The following BMP6 variants were observed in gnomAD, a reference collection of about 807,000 sequenced individuals.
The protein encoded by BMP6 is VG-1-R.
Under a neutral mutation model 54.1 loss-of-function variants are expected in BMP6, and 17 were observed. The observed-to-expected ratio is 0.31, with a 90% CI of 0.22 to 0.47. BMP6 has a LOEUF of 0.47. Ranked by LOEUF, BMP6 falls within the 20% of genes least tolerant of loss-of-function variation. The pLI is 1.00. For missense variants in BMP6, 720 were observed against 690.4 expected, an observed-to-expected ratio of 1.04 and a Z score of -0.48; for synonymous variants, 328 against 291.2, an observed-to-expected ratio of 1.13 and a Z score of -1.28.
At chr6:7,820,089 T>A (rs1158334606) in intron 1 of BMP6, among the ~76,000 whole-genome samples, 1 of 152,212 alleles carries the variant, frequency 6.6e-6, no homozygotes, top group East Asian at 1.9e-4. Flanking sequence ...AAAATAGAGA[T>A]AACCAAAAAT....
chr6:7,880,261 C>T lies in BMP6; in HGVS notation c.1460C>T (p.Ser487Leu), dbSNP rs139361183. The T allele has an allele frequency of 2.7e-5, 44 of 1,614,004 alleles. No homozygotes were observed. Among genetic ancestry groups the T allele is most frequent in the Non-Finnish European group, 3.6e-5 (42 of 1,180,026 alleles). The change falls in exon 7 of 7, where the codon TCG (serine) becomes TTG (leucine). Residue 487 changes from serine (S) to leucine (L), a missense_variant. Physicochemically the swap from Ser to Leu is moderately radical, Grantham distance 145 (BLOSUM62 -2). Coordinates refer to ENST00000283147, the MANE Select transcript of BMP6 (RefSeq NM_001718.6). ...GCGCCAACTAAGCTAAATGCCATCT[C>T]GGTTCTTTACTTTGATGACAACTCC... ...CCAPTKLNAISVLYFDDNSNV... is the reference protein window; with the variant it reads ...CCAPTKLNAILVLYFDDNSNV...
intron 1 of BMP6, among the ~76,000 whole-genome samples, chr6:7,796,118 A>G (rs1561774631): frequency 6.6e-6 from 1 of 152,162 alleles, no homozygotes; most frequent in Non-Finnish European, 1.5e-5. Flanking sequence ...TGAAAATGAA[A>G]TAGTTCTTGA....
At chr6:7,817,798 A>C (rs772572254) in intron 1 of BMP6, among the ~76,000 whole-genome samples, 3 of 152,206 alleles carry the variant, frequency 2.0e-5, no homozygotes, top group Non-Finnish European at 2.9e-5. Context: ...GCCTTTTGCT[A>C]ACCAAGATAT....
chr6:7,847,106 G>C (rs559529765), intron 2 of BMP6, among the ~76,000 whole-genome samples: 59 of 152,316 alleles, frequency 3.9e-4, no homozygotes, highest in African/African-American at 1.4e-3. Flanking sequence ...CAGCTGCCCT[G>C]TGCTTAGGAT....
At chr6:7,811,097 C>G (rs935466165) in intron 1 of BMP6, among the ~76,000 whole-genome samples, 1 of 152,230 alleles carries the variant, frequency 6.6e-6, no homozygotes, top group African/African-American at 2.4e-5. Context: ...TGGGACGAAT[C>G]AGTCCCACTT....
intron 1 of BMP6, among the ~76,000 whole-genome samples, chr6:7,790,289 C>T (rs1343598926): frequency 2.0e-5 from 3 of 151,922 alleles, no homozygotes; most frequent in Admixed American, 1.3e-4. Context: ...CGGAAGCAGG[C>T]GGATCTCTTT....
At chr6:7,738,711 A>G (rs1561755383) in intron 1 of BMP6, among the ~76,000 whole-genome samples, 1 of 152,216 alleles carries the variant, frequency 6.6e-6, no homozygotes. Context: ...ATGCAGCTTA[A>G]TTTGACACAT....
intron 4 of BMP6, 106 bp downstream of exon 4, chr6:7,862,604 C>T (rs1759353240): frequency 2.8e-6 from 4 of 1,423,682 alleles, no homozygotes; most frequent in Non-Finnish European, 2.9e-6. Flanking sequence ...CACAGCAAAT[C>T]CAAAGGCAAA....
chr6:7,867,429 AT>A (rs2113283696), intron 4 of BMP6, among the ~76,000 whole-genome samples: 1 of 152,300 alleles, frequency 6.6e-6, no homozygotes, highest in East Asian at 1.9e-4. Flanking sequence ...TGTGCTATAC[AT>A]TTCAAGGAAA....
intron 1 of BMP6, among the ~76,000 whole-genome samples, chr6:7,767,680 T>C (rs762288194): frequency 1.4e-4 from 22 of 152,386 alleles, no homozygotes; most frequent in Non-Finnish European, 1.0e-4. Flanking sequence ...GCAAATCTTT[T>C]GTACCTGCAG....
chr6:7,770,631 T>C (rs1351720721), intron 1 of BMP6, among the ~76,000 whole-genome samples: 1 of 152,210 alleles, frequency 6.6e-6, no homozygotes, highest in Non-Finnish European at 1.5e-5. Context: ...CACCCGGCCC[T>C]AAAAGCGCTC....
chr6:7,764,319 A>G (rs573557763), intron 1 of BMP6, among the ~76,000 whole-genome samples: 2 of 152,330 alleles, frequency 1.3e-5, no homozygotes, highest in Non-Finnish European at 2.9e-5. Flanking sequence ...GGGAACTTGT[A>G]TCTTTTTCTC....
intron 1 of BMP6, among the ~76,000 whole-genome samples, chr6:7,789,424 C>T (rs1428963114): frequency 6.6e-6 from 1 of 152,168 alleles, no homozygotes; most frequent in East Asian, 1.9e-4. Flanking sequence ...AAAAACATTT[C>T]CAAAGATACT....
chr6:7,757,809 A>T (rs1174101408), intron 1 of BMP6, among the ~76,000 whole-genome samples: 2 of 152,222 alleles, frequency 1.3e-5, no homozygotes, highest in East Asian at 3.8e-4. Context: ...TCATCTTCAT[A>T]GATCAGGAAT....
At chr6:7,743,058 A>T (rs772339630) in intron 1 of BMP6, among the ~76,000 whole-genome samples, 3 of 152,216 alleles carry the variant, frequency 2.0e-5, no homozygotes, top group Admixed American at 6.5e-5. Context: ...AGTAGCAAAT[A>T]TCTTTCACAT....
At chr6:7,858,468 G>A (rs984863838) in intron 2 of BMP6, among the ~76,000 whole-genome samples, 6 of 152,034 alleles carry the variant, frequency 3.9e-5, no homozygotes, top group African/African-American at 9.7e-5. Context: ...GCATTTGTAT[G>A]TGGTAGACTT....
chr6:7,793,069 C>T lies in BMP6; in HGVS notation c.665-52071C>T, dbSNP rs188774164. On this transcript the variant is annotated intron_variant, in intron 1 of 6. Coordinates refer to ENST00000283147, the MANE Select transcript of BMP6 (RefSeq NM_001718.6). ...TCCCACTTCTGCCTGATGGGAGAAACTTGATATACAGTTAATGCCAGGAAA... is the reference window on the plus strand; with the variant it reads ...TCCCACTTCTGCCTGATGGGAGAAATTTGATATACAGTTAATGCCAGGAAA... 4.9e-3 allele frequency among the ~76,000 whole-genome samples: 733 copies of T among 150,920 alleles called. 6 individuals carry two copies. Among genetic ancestry groups the T allele is most frequent in the Admixed American group, 8.3e-3 (125 of 14,982 alleles).
chr6:7,787,171 C>G (rs1454094806), intron 1 of BMP6, among the ~76,000 whole-genome samples: 1 of 152,156 alleles, frequency 6.6e-6, no homozygotes, highest in Non-Finnish European at 1.5e-5. Flanking sequence ...GGAGATCATT[C>G]CTTGAATAAC....
chr6:7,807,157 G>A (rs1197130208), intron 1 of BMP6, among the ~76,000 whole-genome samples: 1 of 152,170 alleles, frequency 6.6e-6, no homozygotes, highest in Non-Finnish European at 1.5e-5. Flanking sequence ...GGAAGAGAAT[G>A]GTGCCCCACA....
Sources: gnomAD v4.1 joint callset for allele counts (sites outside exome capture counted in the v4.1 genomes callset) on GRCh38, gnomAD v4.1.1 for gene constraint, MANE v1.5 for transcripts, NCBI Gene and HGNC (gene_info 2026-07-23, HGNC 2026-07-21) for gene names.